The following UBE2Q2 variants were observed in gnomAD, a reference collection of about 807,000 sequenced individuals.
UBE2Q2 encodes the protein ubiquitin-conjugating enzyme E2 Q2.
UBE2Q2 carries 54 observed loss-of-function variants against 59.9 expected under a neutral mutation model. That is an observed-to-expected ratio of 0.90 (90% confidence interval 0.72 to 1.13). The LOEUF (loss-of-function observed/expected upper bound fraction) is 1.13. UBE2Q2 is among the 50% of genes most tolerant of loss of function. UBE2Q2 has a pLI of 0.00. For missense variants in UBE2Q2, 433 were observed against 441.9 expected (o/e 0.98, Z 0.18); for synonymous variants, 165 against 155.2 (o/e 1.06, Z -0.47).
intron 3 of UBE2Q2, among the ~76,000 whole-genome samples, chr15:75,862,635 T>C (rs1897256808): frequency 6.6e-6 from 1 of 151,150 alleles, no homozygotes; most frequent in Non-Finnish European, 1.5e-5. Flanking sequence ...GGGCAACATA[T>C]TGAGACCCCA....
intron 11 of UBE2Q2, among the ~76,000 whole-genome samples, chr15:75,896,329 T>C (rs1899420361): frequency 6.6e-6 from 1 of 152,210 alleles, no homozygotes; most frequent in East Asian, 1.9e-4. Context: ...GAATTTATTA[T>C]GCAAAAATTT....
At chr15:75,886,381 A>G (rs940577072) in intron 9 of UBE2Q2, among the ~76,000 whole-genome samples, 2 of 152,038 alleles carry the variant, frequency 1.3e-5, no homozygotes, top group Non-Finnish European at 1.5e-5. Flanking sequence ...GGGCCTCCCA[A>G]AGTGCTAGGA....
chr15:75,856,205 A>G (rs1259506591), intron 2 of UBE2Q2, among the ~76,000 whole-genome samples: 2 of 150,844 alleles, frequency 1.3e-5, no homozygotes, highest in Non-Finnish European at 2.9e-5. Flanking sequence ...ATGTATATAT[A>G]TATGTGTGTG....
intron 12 of UBE2Q2, among the ~76,000 whole-genome samples, chr15:75,898,478 C>T (rs1899560571): frequency 6.6e-6 from 1 of 152,130 alleles, no homozygotes. Flanking sequence ...TTAACCTAGG[C>T]ATCACCTTAC....
At position 75,899,595 on chromosome 15, in the gene UBE2Q2, C is replaced by T; in HGVS notation, c.*137C>T. On this transcript the variant is annotated 3_prime_UTR_variant, in exon 13 of 13. Coordinates refer to ENST00000267938, the MANE Select transcript of UBE2Q2 (RefSeq NM_173469.4). ...ATAGATATTTTAGTGGATAATCTGT[C>T]ATCTGACATCCAGTATAAGTTACAG... 2 of 634,268 alleles carry T rather than the reference C, an allele frequency of 3.2e-6. No homozygotes were observed. Among genetic ancestry groups the T allele is most frequent in the Non-Finnish European group, 5.2e-6 (2 of 388,010 alleles). 39.3% of individuals were successfully genotyped at this position (634,268 alleles called of 1,614,324 possible).
In UBE2Q2 at chr15:75,901,026, A is replaced by G. The variant is rs781132450; in HGVS notation, c.*1568A>G. 1 of 152,668 alleles carries G rather than the reference A, an allele frequency of 6.6e-6. No homozygotes were observed. Among genetic ancestry groups the G allele is most frequent in the Non-Finnish European group, 1.5e-5 (1 of 68,040 alleles). 9.5% of individuals were successfully genotyped at this position (152,668 alleles called of 1,614,324 possible). ...TTGTAAACTTGCATCAAGTTTATGA[A>G]TAAAGAACCATTTAAAAATTTTGTT... On this transcript the variant is annotated 3_prime_UTR_variant, in exon 13 of 13. Transcript: ENST00000267938.
intron 11 of UBE2Q2, among the ~76,000 whole-genome samples, chr15:75,891,233 CTG>C (rs1899085221): frequency 6.6e-6 from 1 of 152,010 alleles, no homozygotes; most frequent in African/African-American, 2.4e-5. Context: ...TGTTTTTAGT[CTG>C]TTATATTTGC....
At chr15:75,896,018 G>A (rs1477482535) in intron 11 of UBE2Q2, among the ~76,000 whole-genome samples, 2 of 152,136 alleles carry the variant, frequency 1.3e-5, no homozygotes, top group Admixed American at 1.3e-4. Flanking sequence ...AAATATTTCA[G>A]TGTTTAAAAC....
At chr15:75,869,776 A>G (rs1373464803) in intron 4 of UBE2Q2, among the ~76,000 whole-genome samples, 1 of 152,138 alleles carries the variant, frequency 6.6e-6, no homozygotes, top group Non-Finnish European at 1.5e-5. Flanking sequence ...AATCATAGCA[A>G]ATTTAGTAGA....
intron 4 of UBE2Q2, among the ~76,000 whole-genome samples, chr15:75,871,508 A>G (rs1439613750): frequency 6.6e-6 from 1 of 152,246 alleles, no homozygotes; most frequent in Non-Finnish European, 1.5e-5. Flanking sequence ...TTTCCTAGGC[A>G]GAGGTCCCTG....
intron 4 of UBE2Q2, among the ~76,000 whole-genome samples, chr15:75,872,678 A>G (rs74331719): frequency 0.012 from 1,793 of 151,864 alleles, 30 homozygotes; most frequent in African/African-American, 0.041. Context: ...CTGAGATAAA[A>G]TTCTTTTTCT....
At chr15:75,893,774 C>T (rs1899240974) in intron 11 of UBE2Q2, among the ~76,000 whole-genome samples, 1 of 152,052 alleles carries the variant, frequency 6.6e-6, no homozygotes, top group Admixed American at 6.6e-5. Context: ...AAGAGATTAA[C>T]AAAAAGCTAT....
At chr15:75,889,315 G>C (rs1898962665) in intron 9 of UBE2Q2, among the ~76,000 whole-genome samples, 1 of 152,182 alleles carries the variant, frequency 6.6e-6, no homozygotes, top group Admixed American at 6.5e-5. Context: ...AGTGGGGAGA[G>C]ACACTTGCTT....
chr15:75,883,353 A>G lies in UBE2Q2; in HGVS notation c.826-13A>G, dbSNP rs202076371. ...TTCTTTAAATTAATTAAACTTGCTT[A>G]TTTGCTTTTTAGGATAACTTTCCAT... On this transcript the variant is annotated splice_polypyrimidine_tract_variant and intron_variant, in intron 8 of 12. Coordinates refer to ENST00000267938, the MANE Select transcript of UBE2Q2 (RefSeq NM_173469.4). 2.1e-4 allele frequency: 334 copies of G among 1,610,424 alleles called. No individual in the cohort carries two copies. Among genetic ancestry groups the G allele is most frequent in the Admixed American group, 6.7e-4 (40 of 59,848 alleles).
intron 9 of UBE2Q2, among the ~76,000 whole-genome samples, chr15:75,887,409 AC>A (rs1428716049): frequency 6.6e-6 from 1 of 152,162 alleles, no homozygotes; most frequent in Non-Finnish European, 1.5e-5. Context: ...AAAAGTAAAC[AC>A]AATCAGTTAT....
chr15:75,844,502 A>G (rs146312306), intron 1 of UBE2Q2: 1 of 1,550,774 alleles, frequency 6.4e-7, no homozygotes, highest in Non-Finnish European at 8.7e-7. Flanking sequence ...TTGAGTGTGT[A>G]TTCGTGTGGC....
intron 1 of UBE2Q2, among the ~76,000 whole-genome samples, chr15:75,853,419 C>T (rs192711985): frequency 3.2e-4 from 47 of 149,108 alleles, no homozygotes; most frequent in Non-Finnish European, 6.5e-4. Context: ...TGCAGTGAGC[C>T]GAGATTGTGC....
intron 9 of UBE2Q2, among the ~76,000 whole-genome samples, chr15:75,885,809 C>G (rs1898732720): frequency 6.6e-6 from 1 of 152,174 alleles, no homozygotes; most frequent in Non-Finnish European, 1.5e-5. Flanking sequence ...GTACAGTTTT[C>G]TTTTGTTACC....
chr15:75,851,977 A>G (rs536159471), intron 1 of UBE2Q2, among the ~76,000 whole-genome samples: 11 of 152,298 alleles, frequency 7.2e-5, no homozygotes, highest in Admixed American at 4.6e-4. Context: ...GGCTCAATCA[A>G]TCCTTCTGCC....
Sources: allele counts gnomAD v4.1 joint callset (sites outside exome capture counted in the v4.1 genomes callset), GRCh38; gene constraint gnomAD v4.1.1; transcripts MANE v1.5; gene names NCBI Gene and HGNC (gene_info 2026-07-23, HGNC 2026-07-21).